The following PLPPR1 variants were observed in gnomAD, a reference collection of about 807,000 sequenced individuals.
PLPPR1 encodes the protein phospholipid phosphatase related 1.
Under a neutral mutation model 33.1 loss-of-function variants are expected in PLPPR1, and 10 were observed. That is an observed-to-expected ratio of 0.30 (90% CI 0.19 to 0.51). PLPPR1 has a LOEUF of 0.51. PLPPR1 is among the 20% of genes least tolerant of loss of function. The pLI is 0.97. For missense variants in PLPPR1, 304 were observed against 408.1 expected (o/e 0.74, Z 2.20); for synonymous variants, 151 against 151.0 (o/e 1.00, Z 0.00).
intron 1 of PLPPR1, among the ~76,000 whole-genome samples, chr9:101,050,336 A>T (rs551197661): frequency 6.6e-6 from 1 of 152,296 alleles, no homozygotes; most frequent in East Asian, 1.9e-4. Context: ...TTTTCTGTCC[A>T]CTATGAGAAG....
At chr9:101,323,244 C>T (rs1045174318) in intron 7 of PLPPR1, among the ~76,000 whole-genome samples, 20 of 152,074 alleles carry the variant, frequency 1.3e-4, no homozygotes, top group Non-Finnish European at 1.8e-4. Context: ...CCTGTAATCC[C>T]AGCACTTCGG....
intron 3 of PLPPR1, among the ~76,000 whole-genome samples, chr9:101,271,939 G>T (rs1434168699): frequency 6.6e-6 from 1 of 152,034 alleles, no homozygotes; most frequent in Non-Finnish European, 1.5e-5. Flanking sequence ...AAAAATTGTG[G>T]CAGAAAGTTA....
At chr9:101,137,627 G>A (rs188248681) in intron 1 of PLPPR1, among the ~76,000 whole-genome samples, 16 of 152,238 alleles carry the variant, frequency 1.1e-4, no homozygotes, top group African/African-American at 2.9e-4. Flanking sequence ...GGCATAGCCT[G>A]CATACTGGAC....
intron 1 of PLPPR1, among the ~76,000 whole-genome samples, chr9:101,135,619 A>T (rs1390194821): frequency 1.3e-5 from 2 of 151,910 alleles, no homozygotes; most frequent in African/African-American, 2.4e-5. Context: ...GCTGGTTTGG[A>T]GTTTATATTC....
intron 1 of PLPPR1, among the ~76,000 whole-genome samples, chr9:101,091,938 C>A (rs188653728): frequency 3.7e-3 from 562 of 152,304 alleles, no homozygotes; most frequent in Admixed American, 6.6e-3. Context: ...TTCTCCTTGC[C>A]AAGGCATTCG....
At chr9:101,076,783 T>C (rs546270448) in intron 1 of PLPPR1, among the ~76,000 whole-genome samples, 2 of 152,300 alleles carry the variant, frequency 1.3e-5, no homozygotes, top group South Asian at 4.1e-4. Context: ...GTAAGACATA[T>C]TTCTAAAGTG....
At chr9:101,215,459 T>G (rs533531214) in intron 2 of PLPPR1, among the ~76,000 whole-genome samples, 1 of 152,250 alleles carries the variant, frequency 6.6e-6, no homozygotes, top group South Asian at 2.1e-4. Flanking sequence ...TTTTTTATTT[T>G]TAGTAGAGTC....
At chr9:101,185,336 C>T in intron 1 of PLPPR1, 114 bp from the exon 2 acceptor site, 1 of 492,240 alleles carries the variant, frequency 2.0e-6, no homozygotes, top group Non-Finnish European at 3.7e-6. Context: ...ATTGCTTTTG[C>T]ACACAGCCTG....
intron 1 of PLPPR1, among the ~76,000 whole-genome samples, chr9:101,049,919 A>C (rs1279124304): frequency 6.6e-6 from 1 of 151,848 alleles, no homozygotes; most frequent in Non-Finnish European, 1.5e-5. Flanking sequence ...TGAGGTTAGG[A>C]GTTCAAGACC....
At chr9:101,316,329 C>T (rs368167484) in intron 6 of PLPPR1, among the ~76,000 whole-genome samples, 4 of 151,516 alleles carry the variant, frequency 2.6e-5, no homozygotes, top group Admixed American at 6.6e-5. Flanking sequence ...CCCAGCTACT[C>T]GGGAGGCTGA....
chr9:101,052,624 G>A (rs1037292240), intron 1 of PLPPR1, among the ~76,000 whole-genome samples: 1 of 152,052 alleles, frequency 6.6e-6, no homozygotes. Flanking sequence ...GGGCTTATTT[G>A]CATGGTGGCA....
At chr9:101,053,435 C>G (rs1830246994) in intron 1 of PLPPR1, among the ~76,000 whole-genome samples, 1 of 152,190 alleles carries the variant, frequency 6.6e-6, no homozygotes. Flanking sequence ...CTCTTCTACT[C>G]TAATGCCTCC....
intron 1 of PLPPR1, among the ~76,000 whole-genome samples, chr9:101,131,371 TGA>T (rs1831312121): frequency 1.3e-5 from 2 of 152,198 alleles, no homozygotes; most frequent in Non-Finnish European, 2.9e-5. Flanking sequence ...TTAAAAGTAG[TGA>T]AGACAGGTGC....
chr9:101,313,664 T>G (rs577188641), intron 6 of PLPPR1, among the ~76,000 whole-genome samples: 2 of 152,342 alleles, frequency 1.3e-5, no homozygotes, highest in South Asian at 4.1e-4. Context: ...CCTGCTCACC[T>G]AGGAAATCCC....
intron 7 of PLPPR1, 111 bp from the exon 8 acceptor site, chr9:101,323,893 AAGCATATTAGGGGGACGGAAC>A: frequency 1.7e-6 from 1 of 573,208 alleles, no homozygotes; most frequent in Non-Finnish European, 3.0e-6. Context: ...GGCCTTGGAA[AAGCATATTAGGGGGACGGAAC>A]AGCCTGTGTA....
intron 2 of PLPPR1, among the ~76,000 whole-genome samples, chr9:101,205,482 C>T (rs927216925): frequency 1.4e-4 from 22 of 152,128 alleles, no homozygotes; most frequent in African/African-American, 5.3e-4. Flanking sequence ...TTGCTATCTA[C>T]AGGAAAATAA....
chr9:101,214,800 A>T (rs1588075744), intron 2 of PLPPR1, among the ~76,000 whole-genome samples: 1 of 152,178 alleles, frequency 6.6e-6, no homozygotes, highest in East Asian at 1.9e-4. Context: ...AGGCAGGCAG[A>T]TCACTTGAGG....
At chr9:101,046,835 T>C (rs476599) in intron 1 of PLPPR1, among the ~76,000 whole-genome samples, 97,690 of 152,028 alleles carry the variant, frequency 0.64, 31,499 homozygotes, top group East Asian at 0.78. Context: ...CTTGCTGTTA[T>C]GAATTTCATA....
chr9:101,081,670 T>C (rs1830621748), intron 1 of PLPPR1, among the ~76,000 whole-genome samples: 1 of 152,230 alleles, frequency 6.6e-6, no homozygotes, highest in South Asian at 2.1e-4. Context: ...TTAATTTTTT[T>C]CTCTGTGTTA....
Sources: allele counts gnomAD v4.1 joint callset (sites outside exome capture counted in the v4.1 genomes callset), GRCh38; gene constraint gnomAD v4.1.1; transcripts MANE v1.5; gene names NCBI Gene and HGNC (gene_info 2026-07-23, HGNC 2026-07-21).